Variants in CEP70 observed in about 807,000 individuals in gnomAD.
The protein encoded by CEP70 is centrosomal protein 70, also known as centrosomal protein of 70 kDa.
In CEP70, 70 loss-of-function variants were observed where a neutral mutation model predicts 90.9. The observed-to-expected ratio is 0.77, with a 90% CI of 0.64 to 0.94. The LOEUF (loss-of-function observed/expected upper bound fraction) is 0.94. Among genes scored for constraint, CEP70 ranks in the 40% least tolerant of loss-of-function variants. The pLI is 0.00. For synonymous variants in CEP70, 220 were observed against 228.3 expected (o/e 0.96, Z 0.33); for missense variants, 648 against 669.0 (o/e 0.97, Z 0.35).
intron 11 of CEP70, among the ~76,000 whole-genome samples, chr3:138,518,911 G>A (rs575214963): frequency 2.6e-5 from 4 of 152,198 alleles, no homozygotes; most frequent in South Asian, 2.1e-4. Flanking sequence ...TTGAACCCAA[G>A]GCAAAGAAGT....
intron 8 of CEP70, 111 bp downstream of exon 8, chr3:138,532,403 G>T: frequency 1.1e-6 from 1 of 887,830 alleles, no homozygotes; most frequent in Non-Finnish European, 1.6e-6. Flanking sequence ...ACTTCACAGT[G>T]ACATATTAGG....
rs192450158 is a variant in CEP70, at chr3:138,571,905, A to G, written c.70-549T>C. 4.8e-3 allele frequency among the ~76,000 whole-genome samples: 726 copies of G among 152,158 alleles called. 4 individuals are homozygous for G. The highest frequency in any genetic ancestry group is 0.017 in the African/African-American group (699 of 41,496). ...ACCATTCTCCTGCCTCAGCCTCCCG[A>G]GTAGCTGGGACTACAGGCGCCCGCC... is the stretch of plus-strand genomic sequence containing the variant. On this transcript the variant is annotated intron_variant, in intron 3 of 17. Transcript: ENST00000264982.
Position 138,556,584 on chromosome 3 carries a change from G to A in CEP70, c.465+13734C>T, listed in dbSNP as rs142984686. Among the ~76,000 whole-genome samples, 812 of 149,200 alleles carry A rather than the reference G, an allele frequency of 5.4e-3. 7 individuals are homozygous for A. Among genetic ancestry groups the A allele is most frequent in the African/African-American group, 0.019 (782 of 40,598 alleles). ...CAAGGAACCTGCCCCCGACAGTCAC[G>A]TAAGTTCTTTTCTATTTTCCCTAAG... On this transcript the variant is annotated intron_variant, in intron 6 of 17. Transcript: ENST00000264982.
chr3:138,580,836 A>T (rs551281570), intron 2 of CEP70, among the ~76,000 whole-genome samples: 6 of 152,272 alleles, frequency 3.9e-5, no homozygotes, highest in South Asian at 4.1e-4. Flanking sequence ...ATAATTTTTT[A>T]AAGTCAAGCA....
chr3:138,495,095 A>C lies in CEP70; in HGVS notation c.1733-19T>G, dbSNP rs1219779216. On this transcript the variant is annotated intron_variant, in intron 17 of 17. Transcript: ENST00000264982. ...TCAATTTCTGTAATACAAAAACAGTAATAATAAAAGAGAGTAACTTTTTCT... is the reference window on the plus strand; with the variant it reads ...TCAATTTCTGTAATACAAAAACAGTCATAATAAAAGAGAGTAACTTTTTCT... 1 of 1,474,884 alleles carries C rather than the reference A, an allele frequency of 6.8e-7. No individual in the cohort carries two copies. Among genetic ancestry groups the C allele is most frequent in the African/African-American group, 1.4e-5 (1 of 71,852 alleles). The allele number at this position is 1,474,884 out of a possible 1,614,324, so 91.4% of individuals were successfully genotyped here. A position where few individuals can be genotyped will look rare whatever the true frequency, so the allele number is the denominator to read the frequency against.
At chr3:138,585,612 A>G (rs1356799249) in intron 2 of CEP70, among the ~76,000 whole-genome samples, 1 of 152,218 alleles carries the variant, frequency 6.6e-6, no homozygotes, top group South Asian at 2.1e-4. Flanking sequence ...ATAAAACTGG[A>G]GGAATCACAT....
intron 6 of CEP70, among the ~76,000 whole-genome samples, chr3:138,545,411 T>G (rs1474893756): frequency 6.6e-6 from 1 of 152,260 alleles, no homozygotes; most frequent in African/African-American, 2.4e-5. Context: ...TACTTTAATC[T>G]CTTAATCCTG....
intron 8 of CEP70, among the ~76,000 whole-genome samples, chr3:138,531,068 C>T (rs1312457749): frequency 1.3e-5 from 2 of 152,094 alleles, no homozygotes; most frequent in African/African-American, 4.8e-5. Flanking sequence ...ATATCTGACC[C>T]AAGGATAATT....
chr3:138,514,786 T>C (rs2035854163), intron 11 of CEP70, among the ~76,000 whole-genome samples: 1 of 152,124 alleles, frequency 6.6e-6, no homozygotes, highest in Non-Finnish European at 1.5e-5. Flanking sequence ...GCTAAGAGTA[T>C]AAGTTTTGGA....
chr3:138,518,475 G>A (rs2036276736), intron 11 of CEP70, among the ~76,000 whole-genome samples: 1 of 152,170 alleles, frequency 6.6e-6, no homozygotes, highest in African/African-American at 2.4e-5. Context: ...GTACTCCTCT[G>A]AGACAAAACT....
At chr3:138,537,517 A>G (rs1414194234) in intron 6 of CEP70, among the ~76,000 whole-genome samples, 170 bp from the exon 7 acceptor site, 2 of 152,204 alleles carry the variant, frequency 1.3e-5, no homozygotes, top group African/African-American at 4.8e-5. Flanking sequence ...ACATTAATAT[A>G]TCATAAACCT....
At chr3:138,537,435 A>G (rs1249348156) in intron 6 of CEP70, 88 bp from the exon 7 acceptor site, 7 of 841,172 alleles carry the variant, frequency 8.3e-6, no homozygotes, top group African/African-American at 1.8e-5. Flanking sequence ...GCATCTTCAT[A>G]GTTTCTACTG....
intron 2 of CEP70, among the ~76,000 whole-genome samples, chr3:138,576,874 G>T (rs1412245379): frequency 6.6e-6 from 1 of 152,044 alleles, no homozygotes; most frequent in Non-Finnish European, 1.5e-5. Context: ...ACAAAATGAA[G>T]GCAGAAATAA....
chr3:138,570,475 C>T lies in CEP70; in HGVS notation c.308G>A (p.Ser103Asn), dbSNP rs2041094880. 1 of 1,606,848 alleles carries T rather than the reference C, an allele frequency of 6.2e-7. No individual in the cohort carries two copies. Among genetic ancestry groups the T allele is most frequent in the Non-Finnish European group, 8.5e-7 (1 of 1,177,872 alleles). The change falls in exon 6 of 18, where the codon AGC becomes AAC. Residue 103 changes from serine to asparagine, a missense_variant. Ser to Asn is a conservative substitution (Grantham distance 46). Coordinates refer to ENST00000264982, the MANE Select transcript of CEP70 (RefSeq NM_024491.4). Reference protein sequence around the residue: ...QLRNELQLEQSRAANQEQRAN... With the variant: ...QLRNELQLEQNRAANQEQRAN... ...TCGTTGTTCTTGATTGGCTGCTCGG[C>T]TTTGCTCTAGCTGAAGTTCATTTCT...
At chr3:138,572,515 A>T (rs189223969) in intron 3 of CEP70, among the ~76,000 whole-genome samples, 2 of 152,344 alleles carry the variant, frequency 1.3e-5, no homozygotes, top group African/African-American at 4.8e-5. Context: ...TAACTTATAC[A>T]TATTGTTTCC....
Position 138,500,717 on chromosome 3 carries a change from C to A in CEP70, c.1368+18G>T. On this transcript the variant is annotated intron_variant, in intron 14 of 17. Coordinates refer to ENST00000264982, the MANE Select transcript of CEP70 (RefSeq NM_024491.4). ...GAGATAAGAAACATTAGAAGGTGACCGTTCATGTAGGTATTACCTTTTCCT... is the reference window on the plus strand; with the variant it reads ...GAGATAAGAAACATTAGAAGGTGACAGTTCATGTAGGTATTACCTTTTCCT... 1.3e-6 allele frequency: 2 copies of A among 1,557,642 alleles called. No homozygotes were observed. Among genetic ancestry groups the A allele is most frequent in the South Asian group, 2.5e-5 (2 of 80,744 alleles).
intron 6 of CEP70, among the ~76,000 whole-genome samples, chr3:138,554,362 A>T (rs1407814599): frequency 6.6e-6 from 1 of 152,186 alleles, no homozygotes; most frequent in Admixed American, 6.5e-5. Context: ...GAACTGGAAC[A>T]AGATAAGGAT....
In CEP70 at chr3:138,500,421, G is replaced by A. The variant is rs2034390285; in HGVS notation, c.1515C>T (p.Asn505=). 3.8e-6 allele frequency: 6 copies of A among 1,593,216 alleles called. No homozygotes were observed. The highest frequency in any genetic ancestry group is 1.2e-5 in the South Asian group (1 of 85,866). The part of the protein sequence containing the change: ...RLGEMNNAVR[N]LQELLELDSS... The stretch of plus-strand genomic sequence containing the variant: ...CACCTAATTCTAAGAGTTCTTGGAG[G>A]TTTCTCACAGCATTGTTCATTTCTC... The change falls in exon 15 of 18, where the codon AAC becomes AAT. Residue 505 remains asparagine, a synonymous_variant. Coordinates refer to ENST00000264982, the MANE Select transcript of CEP70 (RefSeq NM_024491.4).
At chr3:138,579,117 AGTAC>A (rs1353535171) in intron 2 of CEP70, among the ~76,000 whole-genome samples, 2 of 152,240 alleles carry the variant, frequency 1.3e-5, no homozygotes, top group Admixed American at 1.3e-4. Flanking sequence ...ATTGAAAGGC[AGTAC>A]CAACAACACC....
Sources: gnomAD v4.1 joint callset for allele counts (sites outside exome capture counted in the v4.1 genomes callset) on GRCh38, gnomAD v4.1.1 for gene constraint, MANE v1.5 for transcripts, NCBI Gene and HGNC (gene_info 2026-07-23, HGNC 2026-07-21) for gene names.